Variants in DOCK9 observed in about 807,000 individuals in gnomAD.
The protein encoded by DOCK9 is dedicator of cytokinesis 9, also known as dedicator of cytokinesis protein 9.
Under a neutral mutation model 263.3 loss-of-function variants are expected in DOCK9, and 89 were observed. The observed-to-expected ratio is 0.34, with a 90% CI of 0.28 to 0.40. DOCK9 has a LOEUF of 0.40. DOCK9 is among the 10% of genes least tolerant of loss of function. The pLI is 1.00. For synonymous variants in DOCK9, 976 were observed against 973.1 expected (o/e 1.00, Z -0.06); for missense variants, 2,140 against 2,603.4 (o/e 0.82, Z 3.87).
chr13:98,842,523 T>C (rs1409696697), intron 38 of DOCK9, among the ~76,000 whole-genome samples: 1 of 152,244 alleles, frequency 6.6e-6, no homozygotes, highest in African/African-American at 2.4e-5. Flanking sequence ...GAACTTGATG[T>C]ATTCCTAGAA....
intron 1 of DOCK9, among the ~76,000 whole-genome samples, chr13:99,060,062 CTTTTTTTTTTTTT>C (rs71114576): frequency 6.5e-5 from 4 of 61,462 alleles, no homozygotes; most frequent in East Asian, 9.3e-4. Flanking sequence ...ATTGTTTCTA[CTTTTTTTTTTTTT>C]TTTTTTTTTT....
rs562918129 is a variant in DOCK9 at position 98,831,279 on chromosome 13, C to T, written c.4635+69G>A. 82 of 1,478,918 alleles carry T rather than the reference C, an allele frequency of 5.5e-5. 2 individuals are homozygous for T. In the South Asian group the frequency reaches 9.7e-4, roughly 18 times the overall value. 91.6% of individuals were successfully genotyped at this position (1,478,918 alleles called of 1,614,324 possible). Reference sequence around the variant, plus strand: ...ACAAGGTAAATTGGTTAATGTGATACTCAAAGTTTTCCTGATACAGCAGGA... The same window carrying T: ...ACAAGGTAAATTGGTTAATGTGATATTCAAAGTTTTCCTGATACAGCAGGA... On this transcript the variant is annotated intron_variant, in intron 41 of 52. Transcript: ENST00000682017.
At chr13:98,897,344 A>T in intron 15 of DOCK9, 144 bp downstream of exon 15, 2 of 1,019,312 alleles carry the variant, frequency 2.0e-6, no homozygotes, top group African/African-American at 1.6e-5. Context: ...CTTTCTTCTC[A>T]AGGGTTTGAG....
intron 45 of DOCK9, among the ~76,000 whole-genome samples, chr13:98,824,146 C>G (rs1449140430): frequency 1.3e-5 from 2 of 152,358 alleles, no homozygotes; most frequent in East Asian, 3.9e-4. Flanking sequence ...TGCTCAAGCA[C>G]TGAGCCTCAC....
At chr13:98,973,779 G>A (rs2059962117) in intron 1 of DOCK9, among the ~76,000 whole-genome samples, 1 of 152,054 alleles carries the variant, frequency 6.6e-6, no homozygotes, top group Non-Finnish European at 1.5e-5. Flanking sequence ...TGTATTTTTT[G>A]TAGAGACGGA....
At position 98,955,979 on chromosome 13, in the gene DOCK9, C is replaced by T. The variant is rs80061706; in HGVS notation, c.127-428G>A. Among the ~76,000 whole-genome samples the T allele has an allele frequency of 3.8e-3, 573 of 152,354 alleles. 4 individuals are homozygous for T. The highest frequency in any genetic ancestry group is 0.013 in the African/African-American group (548 of 41,584). On this transcript the variant is annotated intron_variant, in intron 1 of 52. Coordinates refer to ENST00000682017, the MANE Select transcript of DOCK9 (RefSeq NM_001366683.2). Reference sequence around the variant, plus strand: ...CCAGGGCCTAAATGTATCCACAGGACTCATTATTTCAGACAAGGGGCTCCA... The same window carrying T: ...CCAGGGCCTAAATGTATCCACAGGATTCATTATTTCAGACAAGGGGCTCCA...
intron 3 of DOCK9, among the ~76,000 whole-genome samples, chr13:98,926,558 C>T (rs905875802): frequency 1.3e-5 from 2 of 152,214 alleles, no homozygotes; most frequent in Non-Finnish European, 2.9e-5. Context: ...CAAACTACCT[C>T]GCCACATGAC....
intron 1 of DOCK9, among the ~76,000 whole-genome samples, chr13:99,037,583 A>G (rs1053928540): frequency 6.6e-6 from 1 of 152,236 alleles, no homozygotes; most frequent in Non-Finnish European, 1.5e-5. Context: ...TTTACCAGCT[A>G]TACAACCCAA....
At chr13:98,935,164 A>T (rs962065976) in intron 2 of DOCK9, among the ~76,000 whole-genome samples, 6 of 152,202 alleles carry the variant, frequency 3.9e-5, no homozygotes, top group African/African-American at 1.4e-4. Flanking sequence ...TAAACTGTAA[A>T]GGATGAGCAC....
intron 1 of DOCK9, among the ~76,000 whole-genome samples, chr13:99,001,161 A>C (rs1882223868): frequency 6.6e-6 from 1 of 152,204 alleles, no homozygotes; most frequent in Admixed American, 6.5e-5. Flanking sequence ...TACCGAACTC[A>C]CTTCGCAAGT....
chr13:99,085,852 A>G (rs9517592), intron 1 of DOCK9, among the ~76,000 whole-genome samples: 37,368 of 121,900 alleles, frequency 0.31, 5,370 homozygotes, highest in East Asian at 0.49. Context: ...GGGGAGGGAT[A>G]CGGGGGAGGG....
intron 1 of DOCK9, among the ~76,000 whole-genome samples, chr13:99,014,631 C>G (rs1054480071): frequency 3.3e-5 from 5 of 152,190 alleles, no homozygotes; most frequent in Non-Finnish European, 7.3e-5. Context: ...TTCGCTGTAC[C>G]AAGCAGCTGC....
At chr13:98,998,892 A>C (rs1488723134) in intron 1 of DOCK9, among the ~76,000 whole-genome samples, 1 of 152,132 alleles carries the variant, frequency 6.6e-6, no homozygotes, top group Non-Finnish European at 1.5e-5. Flanking sequence ...TGTCAAAATT[A>C]GTTTGCAACC....
intron 7 of DOCK9, among the ~76,000 whole-genome samples, chr13:98,920,667 T>G (rs1198633484): frequency 6.6e-6 from 1 of 152,218 alleles, no homozygotes; most frequent in Non-Finnish European, 1.5e-5. Context: ...TTTGCCGTAT[T>G]AAAGAAACAT....
rs79623002 is a variant in DOCK9 at position 98,840,783 on chromosome 13, T to C, written c.4199-3174A>G. 4.9e-3 allele frequency among the ~76,000 whole-genome samples: 741 copies of C among 152,322 alleles called. 4 individuals are homozygous for C. Among genetic ancestry groups the C allele is most frequent in the South Asian group, 0.015 (71 of 4,826 alleles). ...GGGCACTTCCATGTTGATAGCCACC[T>C]TCACTCTTTATGCAACCAAAATTCT... On this transcript the variant is annotated intron_variant, in intron 38 of 52. Coordinates refer to ENST00000682017, the MANE Select transcript of DOCK9 (RefSeq NM_001366683.2).
Position 98,845,924 on chromosome 13 carries a change from T to C in DOCK9, c.4198A>G (p.Ser1400Gly), listed in dbSNP as rs1221220913. 1 of 1,613,400 alleles carries C rather than the reference T, an allele frequency of 6.2e-7. No homozygotes were observed. Among genetic ancestry groups the C allele is most frequent in the East Asian group, 2.2e-5 (1 of 44,872 alleles). The stretch of plus-strand genomic sequence containing the variant: ...TACGATGGCATGTCATGGGACTTAC[T>C]GTGGTTAAAAGTGAGAGAGTTATCC... ...SLDNSLTFNH[S>G]YGHSDADVLH... Residue 1400 changes from serine (S) to glycine (G), a missense_variant and splice_region_variant, in exon 38 of 53, where the codon AGC becomes GGC. By Grantham distance (56) the Ser-to-Gly change is moderately conservative. Around this residue, in one of 2 missense-constraint regions of DOCK9, gnomAD observed 1,521 missense variants for 1,741.7 expected, o/e 0.87. Transcript: ENST00000682017.
chr13:99,015,945 A>G (rs1885344554), intron 1 of DOCK9: 1 of 248,560 alleles, frequency 4.0e-6, no homozygotes, highest in Non-Finnish European at 6.6e-6. Flanking sequence ...ATGTGGCTCT[A>G]CTGGAAAACT....
chr13:98,817,962 T>G (rs2092006825), intron 45 of DOCK9, among the ~76,000 whole-genome samples: 1 of 152,154 alleles, frequency 6.6e-6, no homozygotes, highest in Non-Finnish European at 1.5e-5. Flanking sequence ...GAACATTATT[T>G]CGTCTTCTTT....
At chr13:98,924,570 T>C (rs1453622309) in intron 4 of DOCK9, among the ~76,000 whole-genome samples, 2 of 152,226 alleles carry the variant, frequency 1.3e-5, no homozygotes, top group Non-Finnish European at 2.9e-5. Flanking sequence ...GTTGCATAAT[T>C]GGGCCTAGTG....
Sources: gnomAD v4.1 joint callset for allele counts (sites outside exome capture counted in the v4.1 genomes callset) on GRCh38, gnomAD v4.1.1 for gene constraint, gnomAD v4.1.1 regional missense constraint, MANE v1.5 for transcripts, NCBI Gene and HGNC (gene_info 2026-07-23, HGNC 2026-07-21) for gene names.